Variants in ATP9A observed in about 807,000 individuals in gnomAD.
The protein encoded by ATP9A is ATPase phospholipid transporting 9A.
ATP9A carries 52 observed loss-of-function variants against 144.1 expected under a neutral mutation model. That is an observed-to-expected ratio of 0.36 (90% confidence interval 0.29 to 0.45). The LOEUF (loss-of-function observed/expected upper bound fraction) is 0.45. Ranked by LOEUF, ATP9A falls within the 20% of genes least tolerant of loss-of-function variation. The pLI, the probability that ATP9A is intolerant of heterozygous loss-of-function variation, is 1.00. For synonymous variants in ATP9A, 582 were observed against 557.4 expected (o/e 1.04, Z -0.62); for missense variants, 947 against 1,392.7 (o/e 0.68, Z 5.09).
At chr20:51,622,296 T>C in intron 18 of ATP9A, 124 bp from the exon 19 acceptor site, 1 of 746,822 alleles carries the variant, frequency 1.3e-6, no homozygotes, top group East Asian at 2.7e-5. Context: ...TCCTGCCGAC[T>C]CATGCTGTCC....
chr20:51,633,810 G>A (rs1303757487), intron 15 of ATP9A, among the ~76,000 whole-genome samples: 1 of 148,372 alleles, frequency 6.7e-6, no homozygotes, highest in African/African-American at 2.5e-5. Context: ...AAGAAAGAAA[G>A]GACAGAAGAA....
At chr20:51,760,053 G>A (rs1251498256) in intron 1 of ATP9A, among the ~76,000 whole-genome samples, 1 of 152,040 alleles carries the variant, frequency 6.6e-6, no homozygotes, top group Non-Finnish European at 1.5e-5. Flanking sequence ...GTCTCTTACT[G>A]CCACGATTTG....
chr20:51,636,963 C>T (rs906767419), intron 15 of ATP9A, among the ~76,000 whole-genome samples: 1 of 152,132 alleles, frequency 6.6e-6, no homozygotes, highest in African/African-American at 2.4e-5. Flanking sequence ...TGGTGGCGCA[C>T]GCCTGTAATC....
At chr20:51,668,620 C>T (rs2077443666) in intron 13 of ATP9A, among the ~76,000 whole-genome samples, 1 of 152,124 alleles carries the variant, frequency 6.6e-6, no homozygotes, top group African/African-American at 2.4e-5. Flanking sequence ...CTGTGCGGCT[C>T]ATCCTCCCTG....
At chr20:51,673,467 T>A (rs1281673922) in intron 11 of ATP9A, among the ~76,000 whole-genome samples, 1 of 152,194 alleles carries the variant, frequency 6.6e-6, no homozygotes, top group African/African-American at 2.4e-5. Context: ...ATTGCACACC[T>A]ACAGCAGACA....
chr20:51,743,779 C>A (rs558194935), intron 1 of ATP9A, among the ~76,000 whole-genome samples: 1 of 148,982 alleles, frequency 6.7e-6, no homozygotes. Context: ...GAGGCTGAGG[C>A]GGGCGGATCA....
chr20:51,626,612 C>A (rs1417692369), intron 17 of ATP9A, among the ~76,000 whole-genome samples: 1 of 151,758 alleles, frequency 6.6e-6, no homozygotes, highest in African/African-American at 2.4e-5. Context: ...GAGTTTGAGA[C>A]CAGCCTGGGC....
At chr20:51,709,620 C>T (rs572888086) in intron 4 of ATP9A, among the ~76,000 whole-genome samples, 5 of 152,170 alleles carry the variant, frequency 3.3e-5, no homozygotes, top group Admixed American at 1.3e-4. Flanking sequence ...CCCAACTACT[C>T]GGAGGCTGAA....
At chr20:51,693,904 C>T (rs2077559012) in intron 7 of ATP9A, 104 bp downstream of exon 7, 3 of 1,003,664 alleles carry the variant, frequency 3.0e-6, no homozygotes, top group Non-Finnish European at 1.5e-6. Context: ...CCTACTGGCC[C>T]CACTTCACAA....
chr20:51,713,187 G>T, intron 3 of ATP9A, 113 bp from the exon 4 acceptor site: 2 of 882,414 alleles, frequency 2.3e-6, no homozygotes, highest in Non-Finnish European at 3.6e-6. Context: ...GGGAGGGCAG[G>T]GGGGCAGGAC....
At chr20:51,626,201 T>C (rs1057228763) in intron 17 of ATP9A, among the ~76,000 whole-genome samples, 2 of 152,108 alleles carry the variant, frequency 1.3e-5, no homozygotes, top group Admixed American at 1.3e-4. Flanking sequence ...TTAAAGAAAT[T>C]AGGGAGGCCG....
chr20:51,628,107 C>T (rs2077257154), intron 16 of ATP9A, among the ~76,000 whole-genome samples: 1 of 152,198 alleles, frequency 6.6e-6, no homozygotes, highest in Non-Finnish European at 1.5e-5. Flanking sequence ...GAAGAACACT[C>T]CAGCACGTTT....
At chr20:51,662,754 T>C (rs2077416109) in intron 13 of ATP9A, among the ~76,000 whole-genome samples, 1 of 151,918 alleles carries the variant, frequency 6.6e-6, no homozygotes, top group East Asian at 1.9e-4. Context: ...GGAAGGCTTC[T>C]CAGAATAACC....
intron 14 of ATP9A, among the ~76,000 whole-genome samples, chr20:51,642,710 A>T (rs2077324811): frequency 8.7e-6 from 1 of 114,968 alleles, no homozygotes. Flanking sequence ...TGGGTGACTG[A>T]GTGAGACTCT....
chr20:51,608,922 CGTGTGTGT>C (rs1214031645), intron 24 of ATP9A, among the ~76,000 whole-genome samples: 16 of 142,794 alleles, frequency 1.1e-4, no homozygotes, highest in East Asian at 4.1e-4. Flanking sequence ...GGAAATAAGA[CGTGTGTGT>C]GTGTGTGTGT....
intron 15 of ATP9A, among the ~76,000 whole-genome samples, chr20:51,636,169 C>CA (rs2077291436): frequency 6.6e-6 from 1 of 152,150 alleles, no homozygotes; most frequent in Non-Finnish European, 1.5e-5. Flanking sequence ...GCAAGCACGG[C>CA]AATACCACAA....
At position 51,600,387 on chromosome 20, in the gene ATP9A, ACT is replaced by A. The variant is rs1457259714; in HGVS notation, c.*822_*823del. 1 of 152,038 alleles carries A rather than the reference ACT, an allele frequency of 6.6e-6. No homozygotes were observed. Among genetic ancestry groups the A allele is most frequent in the Non-Finnish European group, 1.5e-5 (1 of 67,998 alleles). 9.4% of individuals were successfully genotyped at this position (152,038 alleles called of 1,614,324 possible). ...CAGTGGCACGTTTCCTGCTAAAACA[ACT>A]CTGCTGAAAATGTCTGAGGTCCTTC... On this transcript the variant is annotated 3_prime_UTR_variant, in exon 28 of 28. Transcript: ENST00000338821.
rs1453190466 is a variant in ATP9A at position 51,689,142 on chromosome 20, G to A, written c.724-3C>T. 6.8e-6 allele frequency: 11 copies of A among 1,613,620 alleles called. No individual in the cohort carries two copies. Among genetic ancestry groups the A allele is most frequent in the Non-Finnish European group, 9.3e-6 (11 of 1,179,912 alleles). Reference sequence around the variant, plus strand: ...CTGATCGGGGGGTCGCTGTCTTCCTGGAAAAGACCAAACGGACACACGTTC... The same window carrying A: ...CTGATCGGGGGGTCGCTGTCTTCCTAGAAAAGACCAAACGGACACACGTTC... On this transcript the variant is annotated splice_region_variant and splice_polypyrimidine_tract_variant and intron_variant, in intron 8 of 27. Transcript: ENST00000338821.
chr20:51,622,511 A>G (rs1362703046), intron 18 of ATP9A, among the ~76,000 whole-genome samples: 1 of 152,186 alleles, frequency 6.6e-6, no homozygotes, highest in Non-Finnish European at 1.5e-5. Flanking sequence ...AAAGAAGGGA[A>G]AGGCTGTACA....
Sources: allele counts gnomAD v4.1 joint callset (sites outside exome capture counted in the v4.1 genomes callset), GRCh38; gene constraint gnomAD v4.1.1; transcripts MANE v1.5; gene names NCBI Gene and HGNC (gene_info 2026-07-23, HGNC 2026-07-21).